The following CTNNA3 variants were observed in gnomAD, a reference collection of about 807,000 sequenced individuals.
The protein encoded by CTNNA3 is catenin alpha 3.
CTNNA3 carries 76 observed loss-of-function variants against 95.7 expected under a neutral mutation model. The observed-to-expected ratio is 0.79, with a 90% CI of 0.66 to 0.96. The LOEUF (loss-of-function observed/expected upper bound fraction) is 0.96, where lower values mean the gene tolerates loss of function less well. Among genes scored for constraint, CTNNA3 ranks in the 40% least tolerant of loss-of-function variants. CTNNA3 has a pLI of 0.00. For missense variants in CTNNA3, 1,191 were observed against 1,089.8 expected, an observed-to-expected ratio of 1.09 and a Z score of -1.31; for synonymous variants, 431 against 374.4, an observed-to-expected ratio of 1.15 and a Z score of -1.74.
intron 15 of CTNNA3, 93 bp downstream of exon 15, chr10:66,069,215 G>C (rs775069671): frequency 3.9e-5 from 48 of 1,232,682 alleles, no homozygotes; most frequent in Non-Finnish European, 5.3e-5. Flanking sequence ...CCTGATTTTT[G>C]GCACTTGACA....
intron 5 of CTNNA3, among the ~76,000 whole-genome samples, chr10:67,439,431 G>C (rs1186791870): frequency 6.6e-6 from 1 of 152,120 alleles, no homozygotes; most frequent in Non-Finnish European, 1.5e-5. Context: ...GGGGAAGCAA[G>C]CACATCTTAC....
intron 15 of CTNNA3, among the ~76,000 whole-genome samples, chr10:66,024,659 T>C (rs565491416): frequency 6.6e-6 from 1 of 152,212 alleles, no homozygotes; most frequent in African/African-American, 2.4e-5. Flanking sequence ...TGTTTGATAA[T>C]GTAAACAATG....
intron 13 of CTNNA3, among the ~76,000 whole-genome samples, chr10:66,266,107 GGAAGGAAGGAAGGAAGGAAA>G (rs199518463): frequency 1.2e-4 from 16 of 136,912 alleles, no homozygotes; most frequent in African/African-American, 4.0e-4. Context: ...AAGAGAGGGA[GGAAGGAAGGAAGGAAGGAAA>G]GAAGGAAGGA....
intron 10 of CTNNA3, among the ~76,000 whole-genome samples, chr10:66,601,492 C>G (rs375052593): frequency 1.3e-4 from 20 of 151,736 alleles, no homozygotes; most frequent in African/African-American, 4.8e-4. Flanking sequence ...TCTCCAAAAC[C>G]AGTTCATTCT....
intron 13 of CTNNA3, among the ~76,000 whole-genome samples, chr10:66,114,135 G>A (rs1030873210): frequency 3.3e-5 from 5 of 151,974 alleles, no homozygotes; most frequent in African/African-American, 1.2e-4. Flanking sequence ...TTTTAGTGAG[G>A]AAAATCTCAC....
At chr10:67,476,589 A>G (rs1472155660) in intron 5 of CTNNA3, among the ~76,000 whole-genome samples, 1 of 150,886 alleles carries the variant, frequency 6.6e-6, no homozygotes, top group African/African-American at 2.4e-5. Context: ...TGCCTGGAAC[A>G]GCAGCCTGAG....
intron 7 of CTNNA3, among the ~76,000 whole-genome samples, chr10:66,812,843 A>G (rs1841935450): frequency 6.6e-6 from 1 of 152,152 alleles, no homozygotes; most frequent in Non-Finnish European, 1.5e-5. Flanking sequence ...TTATCTCCAC[A>G]ATTTTTCACT....
intron 7 of CTNNA3, among the ~76,000 whole-genome samples, chr10:66,873,379 T>TG (rs1844489246): frequency 2.7e-5 from 1 of 36,814 alleles, no homozygotes; most frequent in Non-Finnish European, 7.2e-5. Context: ...TTGTTTTTTG[T>TG]TTTTTTTTTA....
chr10:66,472,071 T>C (rs942650951), intron 11 of CTNNA3, among the ~76,000 whole-genome samples: 1 of 152,036 alleles, frequency 6.6e-6, no homozygotes, highest in Non-Finnish European at 1.5e-5. Flanking sequence ...CTCCCTGGGC[T>C]TTTAACTAAT....
At chr10:66,702,253 C>T (rs1225582467) in intron 9 of CTNNA3, among the ~76,000 whole-genome samples, 1 of 151,908 alleles carries the variant, frequency 6.6e-6, no homozygotes, top group African/African-American at 2.4e-5. Context: ...TCAGTCTCCA[C>T]CTATGATGCT....
At chr10:66,549,641 T>C (rs116377341) in intron 10 of CTNNA3, among the ~76,000 whole-genome samples, 3,433 of 152,302 alleles carry the variant, frequency 0.023, 123 homozygotes, top group African/African-American at 0.078. Context: ...TGCTAAGCAT[T>C]ACCTTAGCTT....
chr10:67,632,103 A>G (rs1321830291), intron 2 of CTNNA3, among the ~76,000 whole-genome samples: 1 of 148,498 alleles, frequency 6.7e-6, no homozygotes, highest in Non-Finnish European at 1.5e-5. Flanking sequence ...ATTTGATAAG[A>G]AAGTAGATTT....
chr10:67,242,805 A>G (rs564350948), intron 5 of CTNNA3, among the ~76,000 whole-genome samples: 1 of 152,324 alleles, frequency 6.6e-6, no homozygotes, highest in Admixed American at 6.5e-5. Context: ...GCCTCATTTT[A>G]ATGGAAATAG....
At chr10:66,611,928 G>C (rs1190368228) in intron 10 of CTNNA3, among the ~76,000 whole-genome samples, 1 of 151,942 alleles carries the variant, frequency 6.6e-6, no homozygotes, top group African/African-American at 2.4e-5. Context: ...TATATGAATG[G>C]TCACCATAAT....
At chr10:66,483,621 A>C (rs1293927360) in intron 11 of CTNNA3, among the ~76,000 whole-genome samples, 3 of 152,148 alleles carry the variant, frequency 2.0e-5, no homozygotes, top group Non-Finnish European at 1.5e-5. Flanking sequence ...ACCTCTATTC[A>C]GCTTTGAGAG....
chr10:66,095,146 C>T (rs2081345495), intron 14 of CTNNA3, among the ~76,000 whole-genome samples: 1 of 151,994 alleles, frequency 6.6e-6, no homozygotes, highest in African/African-American at 2.4e-5. Flanking sequence ...AATCACATGC[C>T]TACATATGAT....
At chr10:66,749,242 A>G (rs1034893894) in intron 9 of CTNNA3, among the ~76,000 whole-genome samples, 1 of 151,108 alleles carries the variant, frequency 6.6e-6, no homozygotes, top group Non-Finnish European at 1.5e-5. Context: ...AAGGAAAGAA[A>G]GAAAGAAAGA....
In CTNNA3 at chr10:66,172,115, AT is replaced by A. The variant is rs149286243; in HGVS notation, c.1885-68867del. On this transcript the variant is annotated intron_variant, in intron 13 of 17. Coordinates refer to ENST00000433211, the MANE Select transcript of CTNNA3 (RefSeq NM_013266.4). ...TTGCCCTGAATTACATGTATCCCTTATGAGATGAAAAGCTAATTTATATGAT... is the reference window on the plus strand; with the variant it reads ...TTGCCCTGAATTACATGTATCCCTTAGAGATGAAAAGCTAATTTATATGAT... 6.7e-3 allele frequency among the ~76,000 whole-genome samples: 1,021 copies of A among 152,248 alleles called. 22 individuals carry two copies. Among genetic ancestry groups the A allele is most frequent in the African/African-American group, 0.023 (952 of 41,534 alleles).
intron 1 of CTNNA3, among the ~76,000 whole-genome samples, chr10:67,720,903 G>A (rs376723364): frequency 7.2e-5 from 11 of 152,056 alleles, no homozygotes; most frequent in African/African-American, 2.4e-4. Flanking sequence ...GCAGTGAGCC[G>A]AGATCATGCC....
Sources: allele counts gnomAD v4.1 joint callset (sites outside exome capture counted in the v4.1 genomes callset), GRCh38; gene constraint gnomAD v4.1.1; transcripts MANE v1.5; gene names NCBI Gene and HGNC (gene_info 2026-07-23, HGNC 2026-07-21).